The following SLC41A3 variants were observed in gnomAD, a reference collection of about 807,000 sequenced individuals.
SLC41A3 encodes solute carrier family 41 member 3.
SLC41A3 carries 44 observed loss-of-function variants against 45.4 expected under a neutral mutation model. The ratio of observed to expected loss-of-function variants is 0.97; its 90% CI spans 0.76 to 1.25. SLC41A3 has a LOEUF of 1.25. Among genes scored for constraint, SLC41A3 ranks in the 50% most tolerant of loss-of-function variants. SLC41A3 has a pLI of 0.00. For synonymous variants in SLC41A3, 256 were observed against 252.4 expected, an observed-to-expected ratio of 1.01 and a Z score of -0.13; for missense variants, 550 against 600.6, an observed-to-expected ratio of 0.92 and a Z score of 0.88.
At chr3:126,008,625 G>A (rs925334503) in intron 10 of SLC41A3, 107 bp downstream of exon 10, 11 of 1,510,030 alleles carry the variant, frequency 7.3e-6, no homozygotes, top group East Asian at 4.6e-5. Context: ...TGCCCCACAC[G>A]TCCAGCCACC....
rs2365012 is a variant in SLC41A3, at chr3:126,098,361, A to C, written c.-79+3068T>G. 9.6e-3 allele frequency among the ~76,000 whole-genome samples: 1,458 copies of C among 152,150 alleles called. 24 individuals are homozygous for C. The highest frequency in any genetic ancestry group is 0.031 in the African/African-American group (1,270 of 41,502). On this transcript the variant is annotated intron_variant, in intron 1 of 9. Transcript: ENST00000508835. ...GCAAGACAGGGAGAGAGGCCTCATC[A>C]GACAGAATCCTGTCGGCACCTTAAC...
intron 3 of SLC41A3, among the ~76,000 whole-genome samples, chr3:126,046,913 G>C (rs1422288478): frequency 6.9e-6 from 1 of 145,364 alleles, no homozygotes; most frequent in African/African-American, 2.6e-5. Flanking sequence ...AGTGAGTTGA[G>C]ATGGCACAAC....
chr3:126,068,535 A>G (rs192256942), intron 1 of SLC41A3, among the ~76,000 whole-genome samples: 2 of 152,366 alleles, frequency 1.3e-5, no homozygotes, highest in East Asian at 1.9e-4. Flanking sequence ...GCAATTTAAA[A>G]AAAACCCAGC....
chr3:126,007,539 T>G (rs2107626788), intron 10 of SLC41A3, among the ~76,000 whole-genome samples: 1 of 152,258 alleles, frequency 6.6e-6, no homozygotes, highest in African/African-American at 2.4e-5. Flanking sequence ...CTCATGGGAC[T>G]TTGCCGAGAT....
Position 126,015,694 on chromosome 3 carries a change from C to A in SLC41A3, c.891-121G>T, listed in dbSNP as rs1940209713. On this transcript the variant is annotated intron_variant, in intron 7 of 10. Coordinates refer to ENST00000360370, the MANE Select transcript of SLC41A3 (RefSeq NM_017836.4). The stretch of plus-strand genomic sequence containing the variant: ...CATCCTTGGCTGTCACTCTCCTCTC[C>A]CCTACACAAAATATCTGCTGCGGCC... 3 of 930,646 alleles carry A rather than the reference C, an allele frequency of 3.2e-6. No individual in the cohort carries two copies. In the South Asian group the frequency reaches 4.5e-5, roughly 14 times the overall value. The allele number at this position is 930,646 out of a possible 1,614,324, so 57.6% of individuals were successfully genotyped here.
Position 126,096,063 on chromosome 3 carries a change from C to T in SLC41A3, c.-79+5366G>A, listed in dbSNP as rs539264126. Among the ~76,000 whole-genome samples the T allele has an allele frequency of 3.3e-5, 5 of 152,298 alleles. No individual in the cohort carries two copies. In the East Asian group the frequency reaches 9.6e-4, roughly 29 times the overall value. ...GAAAAGCATCTAGAAGGACACTCTA[C>T]AAACTTGTTTTTGGATATTGCAAAA... On this transcript the variant is annotated intron_variant, in intron 1 of 9. Coordinates refer to the SLC41A3 transcript ENST00000508835.
In SLC41A3 at chr3:126,006,464, G is replaced by A. The variant is rs367724353; in HGVS notation, c.*552C>T. The A allele has an allele frequency of 4.3e-4, 691 of 1,613,862 alleles. No homozygotes were observed. The highest frequency in any genetic ancestry group is 5.3e-4 in the Non-Finnish European group (630 of 1,179,988). On this transcript the variant is annotated 3_prime_UTR_variant, in exon 11 of 11. Transcript: ENST00000360370. ...GAAAATAAAAAGACAGCAAGGACAC[G>A]ATTAAATGTTGAGTGCAGATGAAGG...
At chr3:126,080,883 GGAGGTT>G (rs1396097630) in intron 1 of SLC41A3, among the ~76,000 whole-genome samples, 4 of 152,094 alleles carry the variant, frequency 2.6e-5, no homozygotes, top group African/African-American at 9.7e-5. Context: ...CCCAGGAGGT[GGAGGTT>G]GTGGTGAGCT....
upstream of SLC41A3, among the ~76,000 whole-genome samples, chr3:126,088,313 C>T (rs1364553937): frequency 6.6e-6 from 1 of 152,094 alleles, no homozygotes; most frequent in Non-Finnish European, 1.5e-5. Flanking sequence ...TTGGTAGATG[C>T]TAGCTCAGAT....
intron 2 of SLC41A3, among the ~76,000 whole-genome samples, chr3:126,055,732 C>T (rs1409767902): frequency 6.6e-6 from 1 of 152,110 alleles, no homozygotes; most frequent in Non-Finnish European, 1.5e-5. Flanking sequence ...AATACGCTGC[C>T]CAAACCATGC....
chr3:126,059,307 A>AAAGAAAGG (rs1559870097), intron 2 of SLC41A3, among the ~76,000 whole-genome samples: 746 of 59,380 alleles, frequency 0.013, 1 homozygote, highest in Non-Finnish European at 0.016. Flanking sequence ...AGAAAGAAAG[A>AAAGAAAGG]AAGGAAGGAT....
intron 2 of SLC41A3, 115 bp downstream of exon 2, chr3:126,067,832 G>T: frequency 7.4e-7 from 1 of 1,355,510 alleles, no homozygotes; most frequent in Non-Finnish European, 9.9e-7. Context: ...AAAAAAAATG[G>T]CTTTTCAAGA....
intron 1 of SLC41A3, among the ~76,000 whole-genome samples, chr3:126,077,952 C>T (rs1187025500): frequency 1.3e-5 from 2 of 152,156 alleles, no homozygotes; most frequent in Non-Finnish European, 2.9e-5. Flanking sequence ...AACGGTGCCC[C>T]TCATCCAGCC....
At chr3:126,015,710 T>C in intron 7 of SLC41A3, 137 bp from the exon 8 acceptor site, 1 of 791,122 alleles carries the variant, frequency 1.3e-6, no homozygotes, top group Non-Finnish European at 2.1e-6. Context: ...ACAAAATATC[T>C]GCTGCGGCCA....
At chr3:126,014,760 G>A (rs1289795274) in intron 8 of SLC41A3, among the ~76,000 whole-genome samples, 1 of 152,230 alleles carries the variant, frequency 6.6e-6, no homozygotes, top group African/African-American at 2.4e-5. Flanking sequence ...GGGCCTGGGG[G>A]CTAAACTGGA....
chr3:126,015,890 C>A (rs562934651), intron 7 of SLC41A3, among the ~76,000 whole-genome samples: 74 of 152,356 alleles, frequency 4.9e-4, no homozygotes, highest in Non-Finnish European at 9.7e-4. Context: ...GGCACCACGA[C>A]TGAGATGCTC....
intron 3 of SLC41A3, among the ~76,000 whole-genome samples, chr3:126,047,467 G>C (rs1416167108): frequency 6.6e-6 from 1 of 152,162 alleles, no homozygotes; most frequent in East Asian, 1.9e-4. Context: ...ACAATCTCAA[G>C]AAAGAACAAG....
intron 3 of SLC41A3, among the ~76,000 whole-genome samples, chr3:126,038,469 G>A (rs905952867): frequency 6.6e-6 from 1 of 152,236 alleles, no homozygotes; most frequent in African/African-American, 2.4e-5. Context: ...TGCCCTGAAC[G>A]CAGGACATGG....
chr3:126,012,729 C>A lies in SLC41A3; in HGVS notation c.991G>T (p.Ala331Ser). 1 of 1,614,178 alleles carries A rather than the reference C, an allele frequency of 6.2e-7. No homozygotes were observed. Among genetic ancestry groups the A allele is most frequent in the Non-Finnish European group, 8.5e-7 (1 of 1,180,036 alleles). The change falls in exon 9 of 11, where the codon GCC (alanine) becomes TCC (serine). Residue 331 changes from alanine (A) to serine (S), a missense_variant. Coordinates refer to ENST00000360370, the MANE Select transcript of SLC41A3 (RefSeq NM_017836.4). ...VICGVGGNLV[A>S]IQTSRISTYL... Reference sequence around the variant, plus strand: ...GTTGAGATTCGGCTGGTCTGAATGGCCACCAGATTGCCACCAACACCTACG... The same window carrying A: ...GTTGAGATTCGGCTGGTCTGAATGGACACCAGATTGCCACCAACACCTACG...
Sources: gnomAD v4.1 joint callset for allele counts (sites outside exome capture counted in the v4.1 genomes callset) on GRCh38, gnomAD v4.1.1 for gene constraint, MANE v1.5 for transcripts, NCBI Gene and HGNC (gene_info 2026-07-23, HGNC 2026-07-21) for gene names.